TENM1: variants seen among roughly 807,000 people sequenced by gnomAD.
TENM1 encodes teneurin-1.
In TENM1, 35 loss-of-function variants were observed where a neutral mutation model predicts 174.8. That is an observed-to-expected ratio of 0.20 (90% CI 0.15 to 0.27). The LOEUF (loss-of-function observed/expected upper bound fraction) is 0.27, where lower values mean the gene tolerates loss of function less well. Among genes scored for constraint, TENM1 ranks in the 10% least tolerant of loss-of-function variants. The pLI is 1.00. For synonymous variants in TENM1, 781 were observed against 798.7 expected, an observed-to-expected ratio of 0.98 and a Z score of 0.37; for missense variants, 1,633 against 2,130.1, an observed-to-expected ratio of 0.77 and a Z score of 4.59.
Position 124,847,467 on chromosome X carries a change from A to G in TENM1, c.535+46829T>C, listed in dbSNP as rs749637837. Among the ~76,000 whole-genome samples the G allele has an allele frequency of 2.7e-5, 3 of 111,296 alleles. No individual in the cohort carries two copies. In the Admixed American group the frequency reaches 2.9e-4, roughly 11 times the overall value. On this transcript the variant is annotated intron_variant, in intron 3 of 31. Transcript: ENST00000422452. Reference sequence around the variant, plus strand: ...TGTGTCTGTAACTTCTGTATTGGACATGCAATTCAGGGTGATTAAACCAAT... The same window carrying G: ...TGTGTCTGTAACTTCTGTATTGGACGTGCAATTCAGGGTGATTAAACCAAT...
chrX:125,006,360 T>A, the TENM1 span, among the ~76,000 whole-genome samples: 2 of 111,775 alleles, frequency 1.8e-5, no homozygotes, highest in Non-Finnish European at 3.8e-5. Flanking sequence ...ATCCAGCAGC[T>A]CCAGTGAGGG....
At chrX:125,073,703 G>C in the TENM1 span, among the ~76,000 whole-genome samples, 1 of 110,380 alleles carries the variant, frequency 9.1e-6, no homozygotes, top group East Asian at 2.9e-4. Flanking sequence ...ATAGTGTGCA[G>C]GAGGCCCTAA....
chrX:124,727,896 A>G (rs935924247), intron 4 of TENM1, among the ~76,000 whole-genome samples: 1 of 112,381 alleles, frequency 8.9e-6, no homozygotes, highest in Non-Finnish European at 1.9e-5. Flanking sequence ...AGAAAGGTTC[A>G]GTAATTTGCC....
intron 23 of TENM1, among the ~76,000 whole-genome samples, chrX:124,425,483 T>C (rs1256433955): frequency 8.9e-6 from 1 of 111,969 alleles, no homozygotes; most frequent in African/African-American, 3.2e-5. Context: ...GGTGGCTTTA[T>C]AAGAAGAGGA....
At chrX:124,399,437 C>A (rs890391681) in intron 27 of TENM1, among the ~76,000 whole-genome samples, 10 of 111,652 alleles carry the variant, frequency 9.0e-5, no homozygotes, top group African/African-American at 3.3e-4. Context: ...AGTTCTTCCT[C>A]AAAATCATAC....
the TENM1 span, among the ~76,000 whole-genome samples, chrX:125,106,182 C>T: frequency 9.0e-6 from 1 of 111,475 alleles, no homozygotes; most frequent in African/African-American, 3.3e-5. Flanking sequence ...CCACTACCAC[C>T]ACCACAAAAT....
the TENM1 span, among the ~76,000 whole-genome samples, chrX:125,052,637 A>C: frequency 3.6e-5 from 4 of 111,651 alleles, no homozygotes; most frequent in African/African-American, 1.3e-4. Flanking sequence ...TAATGTGAAA[A>C]GGGTATTTAG....
chrX:125,014,952 G>A, the TENM1 span, among the ~76,000 whole-genome samples: 10,309 of 111,040 alleles, frequency 0.093, 369 homozygotes, highest in South Asian at 0.2. Flanking sequence ...TGGAAGGCTT[G>A]GTCCCAGCTC....
chrX:124,757,913 A>T (rs933149078), intron 3 of TENM1, among the ~76,000 whole-genome samples: 3 of 112,426 alleles, frequency 2.7e-5, no homozygotes, highest in Non-Finnish European at 3.8e-5. Flanking sequence ...AAACAAAAGC[A>T]TTCGAATTCC....
chrX:125,032,149 C>G, the TENM1 span, among the ~76,000 whole-genome samples: 1 of 109,575 alleles, frequency 9.1e-6, no homozygotes, highest in Non-Finnish European at 1.9e-5. Context: ...AGTCACCAGT[C>G]TCCAGTATGT....
chrX:124,471,456 A>AT (rs1472807743), intron 22 of TENM1, among the ~76,000 whole-genome samples: 3 of 36,084 alleles, frequency 8.3e-5, no homozygotes, highest in South Asian at 4.8e-3. Flanking sequence ...TACTATATAT[A>AT]ATACTATATA....
At chrX:124,705,071 T>C (rs1197484756) in exon 5 of TENM1, 5 of 1,209,528 alleles carry the variant, frequency 4.1e-6, no homozygotes, top group Non-Finnish European at 5.6e-6. Flanking sequence ...CGCTCAATGC[T>C]GTGCACTTCC....
the TENM1 span, among the ~76,000 whole-genome samples, chrX:125,147,874 T>C: frequency 1.2e-3 from 133 of 112,121 alleles, no homozygotes; most frequent in African/African-American, 4.0e-3. Flanking sequence ...AAACTATCAC[T>C]GGTGCTGATA....
chrX:124,737,236 C>G (rs2053695836), intron 3 of TENM1, 39 bp from the exon 7 acceptor site: 1 of 1,127,458 alleles, frequency 8.9e-7, no homozygotes, highest in African/African-American at 1.8e-5. Context: ...TAGAGACTTA[C>G]TCTCCCACTT....
chrX:124,550,661 G>A (rs1262225713), intron 14 of TENM1, among the ~76,000 whole-genome samples: 2 of 111,929 alleles, frequency 1.8e-5, no homozygotes, highest in Non-Finnish European at 3.8e-5. Context: ...TAGGCTGTAG[G>A]ACTTCCAAGT....
Position 124,520,662 on chromosome X carries a change from G to T in TENM1, c.3156C>A (p.Gly1052=), listed in dbSNP as rs1462763500. The T allele has an allele frequency of 4.1e-6, 5 of 1,210,877 alleles. No homozygotes were observed. In the South Asian group the frequency reaches 8.8e-5, roughly 21 times the overall value. Residue 1052 remains glycine (G), a synonymous_variant, in exon 18 of 32, where the codon GGC becomes GGA. Coordinates refer to ENST00000422452, the Ensembl canonical transcript of TENM1. ...CTACTGTGAGGTGTACTTTTATCAT[G>T]CCTACAGGAATCGTTGAATGTGTCA...
the TENM1 span, among the ~76,000 whole-genome samples, chrX:125,013,660 G>A: frequency 1.8e-5 from 2 of 111,524 alleles, no homozygotes; most frequent in Non-Finnish European, 3.8e-5. Flanking sequence ...ATGATAGTTC[G>A]CATTTGAGTA....
chrX:124,868,751 C>A (rs1433583967), intron 3 of TENM1, among the ~76,000 whole-genome samples: 1 of 110,913 alleles, frequency 9.0e-6, no homozygotes. Flanking sequence ...GATTAATAAC[C>A]AGAATATATA....
intron 11 of TENM1, among the ~76,000 whole-genome samples, chrX:124,572,790 G>T (rs943931848): frequency 9.1e-6 from 1 of 109,962 alleles, no homozygotes; most frequent in Non-Finnish European, 1.9e-5. Context: ...AAAAATAATA[G>T]CACATATAGC....
Sources: allele counts gnomAD v4.1 joint callset (sites outside exome capture counted in the v4.1 genomes callset), GRCh38; gene constraint gnomAD v4.1.1; transcripts MANE v1.5; gene names NCBI Gene and HGNC (gene_info 2026-07-23, HGNC 2026-07-21).